CENPK: variants seen among roughly 807,000 people sequenced by gnomAD.
CENPK encodes the protein SoxLZ/Sox6-binding protein Solt.
CENPK carries 46 observed loss-of-function variants against 40.9 expected under a neutral mutation model. The ratio of observed to expected loss-of-function variants is 1.13; its 90% CI spans 0.89 to 1.44. The LOEUF (loss-of-function observed/expected upper bound fraction) is 1.44. CENPK is among the 40% of genes most tolerant of loss of function. CENPK has a pLI of 0.00. For missense variants in CENPK, 288 were observed against 303.5 expected, an observed-to-expected ratio of 0.95 and a Z score of 0.38; for synonymous variants, 107 against 104.4, an observed-to-expected ratio of 1.02 and a Z score of -0.15.
chr5:65,536,905 T>C (rs576362286), intron 6 of CENPK, among the ~76,000 whole-genome samples: 11 of 152,296 alleles, frequency 7.2e-5, no homozygotes, highest in Admixed American at 1.3e-4. Flanking sequence ...TGGGAAGCAA[T>C]TGGGTCGTGG....
At chr5:65,544,739 G>T (rs747638078) in intron 5 of CENPK, among the ~76,000 whole-genome samples, 17 of 152,124 alleles carry the variant, frequency 1.1e-4, no homozygotes, top group Non-Finnish European at 1.8e-4. Flanking sequence ...CAACATGGAA[G>T]AACTTTGAGG....
Position 65,538,050 on chromosome 5 carries a change from A to G in CENPK, c.288+4752T>C, listed in dbSNP as rs185461904. Among the ~76,000 whole-genome samples, 277 of 152,242 alleles carry G rather than the reference A, an allele frequency of 1.8e-3. 2 individuals are homozygous for G. Among genetic ancestry groups the G allele is most frequent in the African/African-American group, 6.3e-3 (260 of 41,542 alleles). On this transcript the variant is annotated intron_variant, in intron 6 of 10. Transcript: ENST00000396679. The stretch of plus-strand genomic sequence containing the variant: ...GCCACTAGCAATGTATTGCTATTCC[A>G]ATTTTTGTACTTCTTTACCAACCCA...
the CENPK span, among the ~76,000 whole-genome samples, chr5:65,500,139 G>A: frequency 4.4e-5 from 2 of 45,904 alleles, no homozygotes; most frequent in Non-Finnish European, 9.1e-5. Context: ...ACATGTGCAT[G>A]TGTCTTTATA....
At chr5:65,516,393 C>A (rs750194911), downstream of CENPK, among the ~76,000 whole-genome samples, 2 of 152,158 alleles carry the variant, frequency 1.3e-5, no homozygotes, top group Non-Finnish European at 2.9e-5. Flanking sequence ...GCATCTTGTA[C>A]AATTCCATTG....
At chr5:65,514,643 T>C (rs972776446), downstream of CENPK, among the ~76,000 whole-genome samples, 1 of 152,204 alleles carries the variant, frequency 6.6e-6, no homozygotes, top group African/African-American at 2.4e-5. Context: ...CTTGACAAAA[T>C]TGGCATCACT....
intron 5 of CENPK, among the ~76,000 whole-genome samples, chr5:65,543,293 T>C (rs1581024364): frequency 6.6e-6 from 1 of 152,218 alleles, no homozygotes; most frequent in African/African-American, 2.4e-5. Context: ...TATAGCCAAC[T>C]ATATATAATT....
intron 6 of CENPK, among the ~76,000 whole-genome samples, chr5:65,535,238 AAGGG>A (rs373048920): frequency 4.6e-5 from 7 of 151,910 alleles, no homozygotes; most frequent in Admixed American, 3.3e-4. Flanking sequence ...TCGAGGATGG[AAGGG>A]AGGGAGGGAG....
At chr5:65,503,957 G>A in the CENPK span, among the ~76,000 whole-genome samples, 1 of 125,460 alleles carries the variant, frequency 8.0e-6, no homozygotes, top group Non-Finnish European at 1.7e-5. Flanking sequence ...TGCCCGGCCT[G>A]CTAAAAAAAT....
At chr5:65,557,309 C>A (rs1365871915) in intron 2 of CENPK, among the ~76,000 whole-genome samples, 1 of 152,164 alleles carries the variant, frequency 6.6e-6, no homozygotes, top group Admixed American at 6.5e-5. Flanking sequence ...AGCAATATTT[C>A]ATCATTCCCC....
intron 5 of CENPK, 46 bp downstream of exon 5, chr5:65,551,518 T>TATTAATAGCAA: frequency 1.0e-6 from 1 of 989,116 alleles, no homozygotes; most frequent in Non-Finnish European, 1.5e-6. Flanking sequence ...ATTAATTTGC[T>TATTAATAGCAA]ATTAATAGGT....
At chr5:65,524,343 C>A (rs979320815) in intron 9 of CENPK, among the ~76,000 whole-genome samples, 1 of 151,408 alleles carries the variant, frequency 6.6e-6, no homozygotes, top group Non-Finnish European at 1.5e-5. Flanking sequence ...CAGGATCACG[C>A]CACTGCACTC....
At chr5:65,546,173 T>C (rs1748911116) in intron 5 of CENPK, among the ~76,000 whole-genome samples, 1 of 152,264 alleles carries the variant, frequency 6.6e-6, no homozygotes, top group Non-Finnish European at 1.5e-5. Flanking sequence ...TAGGACTCGA[T>C]ATTTAGTAAC....
chr5:65,508,841 T>C, the CENPK span, among the ~76,000 whole-genome samples: 2 of 150,644 alleles, frequency 1.3e-5, no homozygotes, highest in South Asian at 4.2e-4. Flanking sequence ...GAAAATGTTG[T>C]GCATTGGTTT....
In CENPK at chr5:65,518,491, T is replaced by C. The variant is rs1163495587; in HGVS notation, c.794A>G (p.Glu265Gly). 4 of 1,611,506 alleles carry C rather than the reference T, an allele frequency of 2.5e-6. No individual in the cohort carries two copies. The South Asian group carries it at 4.4e-5, about 18-fold the overall frequency. ...AACATCCTTTTACTGATGGAAAGCT[T>C]CTAATCTTATTCGGGTTGGATCTTC... ...HPEDPTRIRL[E>G]AFHQ The change falls in exon 11 of 11, where the codon GAA becomes GGA. Residue 265 changes from glutamate to glycine, a missense_variant. Transcript: ENST00000396679.
intron 2 of CENPK, among the ~76,000 whole-genome samples, chr5:65,555,743 G>A (rs1396846621): frequency 6.6e-6 from 1 of 152,218 alleles, no homozygotes; most frequent in Non-Finnish European, 1.5e-5. Context: ...GACTGTCAGA[G>A]AGAAGTGAAT....
At chr5:65,499,672 T>TAA in the CENPK span, among the ~76,000 whole-genome samples, 1 of 147,650 alleles carries the variant, frequency 6.8e-6, no homozygotes, top group African/African-American at 2.5e-5. Context: ...TTTTAATTTT[T>TAA]TTTTTTTTAT....
intron 6 of CENPK, among the ~76,000 whole-genome samples, chr5:65,542,359 C>A (rs1276563910): frequency 2.6e-5 from 4 of 152,190 alleles, no homozygotes; most frequent in Non-Finnish European, 5.9e-5. Context: ...AATCTTTAGG[C>A]CAGGTGTGGT....
chr5:65,496,670 G>A, the CENPK span, among the ~76,000 whole-genome samples: 1 of 151,996 alleles, frequency 6.6e-6, no homozygotes, highest in African/African-American at 2.4e-5. Flanking sequence ...GTTACAAGTG[G>A]TTATCTCTGG....
At chr5:65,512,060 A>G in the CENPK span, among the ~76,000 whole-genome samples, 3 of 152,204 alleles carry the variant, frequency 2.0e-5, no homozygotes, top group Admixed American at 2.0e-4. Context: ...GGGTTCAAGT[A>G]ACCACACATG....
Sources: gnomAD v4.1 joint callset for allele counts (sites outside exome capture counted in the v4.1 genomes callset) on GRCh38, gnomAD v4.1.1 for gene constraint, MANE v1.5 for transcripts, NCBI Gene and HGNC (gene_info 2026-07-23, HGNC 2026-07-21) for gene names.